The following NCKAP5 variants were observed in gnomAD, a reference collection of about 807,000 sequenced individuals.
The protein encoded by NCKAP5 is nck-associated protein 5.
In NCKAP5, 92 loss-of-function variants were observed where a neutral mutation model predicts 167.0. That is an observed-to-expected ratio of 0.55 (90% CI 0.47 to 0.66). NCKAP5 has a LOEUF of 0.66. Among genes scored for constraint, NCKAP5 ranks in the 30% least tolerant of loss-of-function variants. The pLI, the probability that NCKAP5 is intolerant of heterozygous loss-of-function variation, is 0.00. For missense variants in NCKAP5, 2,378 were observed against 2,315.0 expected, an observed-to-expected ratio of 1.03 and a Z score of -0.56; for synonymous variants, 891 against 877.4, an observed-to-expected ratio of 1.02 and a Z score of -0.27.
chr2:133,668,536 C>G, the NCKAP5 span, among the ~76,000 whole-genome samples: 5 of 151,934 alleles, frequency 3.3e-5, no homozygotes, highest in African/African-American at 7.3e-5. Context: ...TCCCTAATAA[C>G]TAATAATGTT....
intron 4 of NCKAP5, among the ~76,000 whole-genome samples, chr2:133,226,150 A>C (rs1471022262): frequency 1.3e-5 from 2 of 152,094 alleles, no homozygotes; most frequent in African/African-American, 4.8e-5. Context: ...TCTGTTGCCC[A>C]GGCTGATCTT....
chr2:133,087,771 T>C (rs1272392978), intron 6 of NCKAP5, among the ~76,000 whole-genome samples: 3 of 152,208 alleles, frequency 2.0e-5, no homozygotes, highest in Non-Finnish European at 4.4e-5. Context: ...AAACCCAGAA[T>C]GGTAATGCAC....
At chr2:132,886,070 C>T (rs12613117) in intron 8 of NCKAP5, among the ~76,000 whole-genome samples, 74,363 of 152,048 alleles carry the variant, frequency 0.49, 19,205 homozygotes, top group East Asian at 0.68. Flanking sequence ...TAGCATGGAA[C>T]AAGCTTTACT....
chr2:133,330,244 A>ATT (rs765058418), intron 3 of NCKAP5, among the ~76,000 whole-genome samples: 3,562 of 88,114 alleles, frequency 0.04, 274 homozygotes, highest in Middle Eastern at 0.096. Flanking sequence ...TATTTTTTGT[A>ATT]TTTTTTTTTT....
At chr2:133,256,605 A>G (rs2088631169) in intron 4 of NCKAP5, among the ~76,000 whole-genome samples, 1 of 152,242 alleles carries the variant, frequency 6.6e-6, no homozygotes, top group Admixed American at 6.5e-5. Context: ...AGATAAATGT[A>G]AAATATCTTC....
At chr2:133,654,591 C>G in the NCKAP5 span, among the ~76,000 whole-genome samples, 1 of 152,202 alleles carries the variant, frequency 6.6e-6, no homozygotes, top group Admixed American at 6.5e-5. Context: ...CTATGTGGCT[C>G]GTGTCTTATC....
intron 3 of NCKAP5, among the ~76,000 whole-genome samples, chr2:133,348,705 T>C (rs1233667080): frequency 1.3e-5 from 2 of 152,222 alleles, no homozygotes; most frequent in East Asian, 3.8e-4. Context: ...TTCTCCATGC[T>C]ATAAAATATA....
intron 10 of NCKAP5, among the ~76,000 whole-genome samples, chr2:132,864,488 T>C (rs143110510): frequency 6.6e-5 from 10 of 152,336 alleles, no homozygotes; most frequent in Admixed American, 2.0e-4. Flanking sequence ...ACTGGTCTAA[T>C]GGGCTCCTGT....
At position 132,782,353 on chromosome 2, in the gene NCKAP5, C is replaced by T. The variant is rs752631631; in HGVS notation, c.4458G>A (p.Lys1486=). 8.7e-6 allele frequency: 14 copies of T among 1,613,920 alleles called. No individual in the cohort carries two copies. The African/African-American group carries it at 1.5e-4, about 17-fold the overall frequency. ...AGGTGGGCTTTGTTTGCACTTGGCC[C>T]TTTTCCACATTTTCCTGAATGCACA... is the stretch of plus-strand genomic sequence containing the variant. ...VMLCIQENVE[K]GQVQTKPTSV... Residue 1486 remains lysine (K), a synonymous_variant, in exon 14 of 20, where the codon AAG becomes AAA. Transcript: ENST00000409261.
the NCKAP5 span, among the ~76,000 whole-genome samples, chr2:133,577,499 CT>C: frequency 1.1e-4 from 16 of 151,762 alleles, no homozygotes; most frequent in Admixed American, 2.6e-4. Context: ...TTTTTTTCTT[CT>C]TTTTTTTAAT....
At chr2:132,809,395 C>T (rs1685683391) in intron 11 of NCKAP5, among the ~76,000 whole-genome samples, 1 of 152,066 alleles carries the variant, frequency 6.6e-6, no homozygotes, top group South Asian at 2.1e-4. Flanking sequence ...TATTGGGTTG[C>T]CGTCCATCTC....
At chr2:132,946,291 G>A (rs1046312361) in intron 8 of NCKAP5, among the ~76,000 whole-genome samples, 1 of 152,270 alleles carries the variant, frequency 6.6e-6, no homozygotes, top group African/African-American at 2.4e-5. Context: ...GCCAATATGA[G>A]TGACCTTCTA....
At chr2:132,898,357 G>A (rs1034286742) in intron 8 of NCKAP5, among the ~76,000 whole-genome samples, 2 of 152,124 alleles carry the variant, frequency 1.3e-5, no homozygotes, top group African/African-American at 4.8e-5. Context: ...TCCACTAAAG[G>A]CTTGACCCCT....
intron 6 of NCKAP5, among the ~76,000 whole-genome samples, chr2:133,072,081 C>CTTT (rs56234235): frequency 4.6e-4 from 66 of 145,048 alleles, no homozygotes; most frequent in East Asian, 2.0e-3. Flanking sequence ...TTTATCCAGG[C>CTTT]TTTTTTTTTT....
rs201859244 is a variant in NCKAP5 at position 132,705,220 on chromosome 2, T to C, written c.5713+20407A>G. Among the ~76,000 whole-genome samples, 16 of 152,262 alleles carry C rather than the reference T, an allele frequency of 1.1e-4. No individual in the cohort carries two copies. The East Asian group carries it at 3.1e-3, about 29-fold the overall frequency. ...CATCAGTTTTTCTCTCTCTCTCTGCTGGATTACTTCCATCAGCATACAATG... is the reference window on the plus strand; with the variant it reads ...CATCAGTTTTTCTCTCTCTCTCTGCCGGATTACTTCCATCAGCATACAATG... On this transcript the variant is annotated intron_variant, in intron 19 of 19. Transcript: ENST00000409261.
intron 6 of NCKAP5, among the ~76,000 whole-genome samples, chr2:133,069,850 A>C (rs564515650): frequency 1.3e-5 from 2 of 151,906 alleles, no homozygotes; most frequent in East Asian, 3.9e-4. Flanking sequence ...AATATTTATA[A>C]ATTTCATTGA....
At chr2:133,153,488 T>A (rs73958626) in intron 5 of NCKAP5, among the ~76,000 whole-genome samples, 10,363 of 152,176 alleles carry the variant, frequency 0.068, 401 homozygotes, top group African/African-American at 0.11. Context: ...TGATTTTTTT[T>A]AAAAAATAAA....
chr2:133,461,699 G>A (rs895479700), intron 3 of NCKAP5, among the ~76,000 whole-genome samples: 1 of 152,198 alleles, frequency 6.6e-6, no homozygotes, highest in Non-Finnish European at 1.5e-5. Context: ...TCCATTCTAT[G>A]TGTGAGATCC....
chr2:133,570,209 C>CAGTGG (rs1688813835), upstream of NCKAP5, among the ~76,000 whole-genome samples: 1 of 152,084 alleles, frequency 6.6e-6, no homozygotes, highest in Admixed American at 6.5e-5. Context: ...AAATGATTAA[C>CAGTGG]AGTGGTTACC....
Sources: allele counts gnomAD v4.1 joint callset (sites outside exome capture counted in the v4.1 genomes callset), GRCh38; gene constraint gnomAD v4.1.1; transcripts MANE v1.5; gene names NCBI Gene and HGNC (gene_info 2026-07-23, HGNC 2026-07-21).